Variants in MGAT5 observed in about 807,000 individuals in gnomAD.
MGAT5 encodes the protein alpha-1,6-mannosylglycoprotein 6-beta-N-acetylglucosaminyltransferase, also known as alpha-1,6-mannosylglycoprotein 6-beta-N-acetylglucosaminyltransferase A.
A neutral mutation model predicts 94.3 loss-of-function variants in MGAT5; 30 were observed. The observed-to-expected ratio is 0.32, with a 90% CI of 0.24 to 0.43. The LOEUF (loss-of-function observed/expected upper bound fraction) is 0.43. Ranked by LOEUF, MGAT5 falls within the 20% of genes least tolerant of loss-of-function variation. The pLI is 1.00. For synonymous variants in MGAT5, 310 were observed against 322.9 expected (o/e 0.96, Z 0.43); for missense variants, 691 against 905.5 (o/e 0.76, Z 3.04).
intron 2 of MGAT5, among the ~76,000 whole-genome samples, chr2:134,297,746 A>C (rs1685763384): frequency 6.6e-6 from 1 of 152,136 alleles, no homozygotes; most frequent in Non-Finnish European, 1.5e-5. Context: ...CTAGAAAAGA[A>C]CTGTTTAATT....
chr2:134,440,966 G>A (rs909101802), intron 14 of MGAT5, among the ~76,000 whole-genome samples: 1 of 152,164 alleles, frequency 6.6e-6, no homozygotes, highest in African/African-American at 2.4e-5. Context: ...AGTGTTTTGG[G>A]TCTTTATTTA....
At chr2:134,330,319 T>C (rs139499380) in intron 4 of MGAT5, among the ~76,000 whole-genome samples, 2,363 of 152,280 alleles carry the variant, frequency 0.016, 34 homozygotes, top group South Asian at 0.039. Flanking sequence ...TTTTGACTGA[T>C]CCCAGATTCA....
intron 1 of MGAT5, among the ~76,000 whole-genome samples, chr2:134,229,966 A>G (rs1829456): frequency 0.69 from 104,583 of 152,114 alleles, 36,263 homozygotes; most frequent in Non-Finnish European, 0.73. Flanking sequence ...CAAAACCACA[A>G]TGAAATAGCA....
rs114351983 is a variant in MGAT5 at position 134,180,534 on chromosome 2, G to T, written c.-143+60243G>T. On this transcript the variant is annotated intron_variant, in intron 1 of 16. Coordinates refer to the MGAT5 transcript ENST00000409645. ...CTTTCATTTCAGAAATAAAAACTGA[G>T]GTCTTGGAAGGCTGTGATTTGCTTA... Among the ~76,000 whole-genome samples the T allele has an allele frequency of 7.8e-3, 1,186 of 152,264 alleles. 20 individuals are homozygous for T. Among genetic ancestry groups the T allele is most frequent in the African/African-American group, 0.027 (1,134 of 41,548 alleles).
intron 1 of MGAT5, among the ~76,000 whole-genome samples, chr2:134,189,597 T>TTTTTTTTTTG (rs796171408): frequency 1.1e-5 from 1 of 87,140 alleles, no homozygotes; most frequent in African/African-American, 4.6e-5. Context: ...CTCTAGTTTT[T>TTTTTTTTTTG]TTTTGTTTTT....
intron 12 of MGAT5, among the ~76,000 whole-genome samples, chr2:134,421,851 A>G (rs1477742951): frequency 2.0e-5 from 3 of 146,660 alleles, no homozygotes; most frequent in Admixed American, 6.6e-5. Flanking sequence ...AAACAAAATC[A>G]GGGGATAAAT....
intron 1 of MGAT5, among the ~76,000 whole-genome samples, chr2:134,122,400 G>T (rs181365788): frequency 6.6e-6 from 1 of 152,040 alleles, no homozygotes; most frequent in South Asian, 2.1e-4. Context: ...CACCGTGCCC[G>T]GCCTAGCGCA....
chr2:134,442,928 G>C (rs1444682088), intron 15 of MGAT5, among the ~76,000 whole-genome samples: 1 of 151,916 alleles, frequency 6.6e-6, no homozygotes, highest in Non-Finnish European at 1.5e-5. Flanking sequence ...TACCATTCCA[G>C]GCTTGAAGAG....
At chr2:134,231,730 C>T (rs952670218) in intron 1 of MGAT5, among the ~76,000 whole-genome samples, 2 of 152,168 alleles carry the variant, frequency 1.3e-5, no homozygotes, top group Non-Finnish European at 2.9e-5. Context: ...TAGCTCTCTA[C>T]CCACTGGAGG....
rs148183644 is a variant in MGAT5 at position 134,362,338 on chromosome 2, T to C, written c.1310T>C (p.Ile437Thr). 1,090 of 1,614,086 alleles carry C rather than the reference T, an allele frequency of 6.8e-4. 9 individuals carry two copies. The highest frequency in any genetic ancestry group is 1.5e-3 in the Middle Eastern group (9 of 6,062). ...VVEQHLNSSDIHHINEIKRQN... is the reference protein window; with the variant it reads ...VVEQHLNSSDTHHINEIKRQN... ...GAGCAGCACCTGAACTCCAGTGATATCCACCACATTAATGAAATCAAAAGG... is the reference window on the plus strand; with the variant it reads ...GAGCAGCACCTGAACTCCAGTGATACCCACCACATTAATGAAATCAAAAGG... Residue 437 changes from isoleucine to threonine, a missense_variant, in exon 10 of 16, where the codon ATC becomes ACC. Ile to Thr is a moderately conservative substitution (Grantham distance 89, BLOSUM62 -1). Transcript: ENST00000281923.
chr2:134,235,351 C>T (rs1401568), intron 1 of MGAT5, among the ~76,000 whole-genome samples: 46,472 of 151,932 alleles, frequency 0.31, 7,496 homozygotes, highest in African/African-American at 0.35. Flanking sequence ...CTTTCCTGGC[C>T]CTGTGTAGAC....
chr2:134,212,734 G>T (rs1463671649), intron 1 of MGAT5, among the ~76,000 whole-genome samples: 2 of 152,178 alleles, frequency 1.3e-5, no homozygotes, highest in African/African-American at 4.8e-5. Flanking sequence ...AAAATGGTGG[G>T]AAGAGGTTGG....
At chr2:134,348,725 A>G (rs1679165444) in intron 8 of MGAT5, among the ~76,000 whole-genome samples, 1 of 152,218 alleles carries the variant, frequency 6.6e-6, no homozygotes, top group African/African-American at 2.4e-5. Context: ...TTACTGATAC[A>G]TAATAGAAAA....
rs994864194 is a variant in MGAT5, at chr2:134,213,690, A to G, written c.-142-40572A>G. ...CTACAATGGCTCACAAAACTCAGAAACATTTACTTATATTTGCTGGTTTGT... is the reference window on the plus strand; with the variant it reads ...CTACAATGGCTCACAAAACTCAGAAGCATTTACTTATATTTGCTGGTTTGT... On this transcript the variant is annotated intron_variant, in intron 1 of 16. Coordinates refer to the MGAT5 transcript ENST00000409645. Among the ~76,000 whole-genome samples, 4 of 152,236 alleles carry G rather than the reference A, an allele frequency of 2.6e-5. No homozygotes were observed. The East Asian group carries it at 7.7e-4, about 29-fold the overall frequency.
intron 1 of MGAT5, among the ~76,000 whole-genome samples, chr2:134,174,913 T>C (rs1249148707): frequency 2.0e-5 from 3 of 152,236 alleles, no homozygotes; most frequent in African/African-American, 7.2e-5. Context: ...TGCATGTCAG[T>C]ATCTCATCTC....
intron 1 of MGAT5, among the ~76,000 whole-genome samples, chr2:134,234,984 C>G (rs1681558712): frequency 1.7e-5 from 1 of 58,786 alleles, no homozygotes; most frequent in Non-Finnish European, 4.0e-5. Context: ...ATTTGGACCA[C>G]CAGAATTTTT....
At chr2:134,177,636 T>C (rs542830594) in intron 1 of MGAT5, among the ~76,000 whole-genome samples, 1 of 152,302 alleles carries the variant, frequency 6.6e-6, no homozygotes, top group East Asian at 1.9e-4. Flanking sequence ...AATGAACTGA[T>C]TTATTAATCT....
intron 1 of MGAT5, among the ~76,000 whole-genome samples, chr2:134,154,585 G>T (rs1222272681): frequency 6.6e-6 from 1 of 152,142 alleles, no homozygotes; most frequent in African/African-American, 2.4e-5. Context: ...GTAAGCTGGT[G>T]GTAAGCCTCC....
chr2:134,137,410 G>A (rs1295810133), intron 1 of MGAT5, among the ~76,000 whole-genome samples: 1 of 152,216 alleles, frequency 6.6e-6, no homozygotes, highest in African/African-American at 2.4e-5. Context: ...ATTTCTGAGA[G>A]TGGAGTCAGC....
Sources: gnomAD v4.1 joint callset for allele counts (sites outside exome capture counted in the v4.1 genomes callset) on GRCh38, gnomAD v4.1.1 for gene constraint, MANE v1.5 for transcripts, NCBI Gene and HGNC (gene_info 2026-07-23, HGNC 2026-07-21) for gene names.